PCDH15: variants seen among roughly 807,000 people sequenced by gnomAD.
PCDH15 encodes protocadherin-15.
Under a neutral mutation model 178.5 loss-of-function variants are expected in PCDH15, and 129 were observed. The observed-to-expected ratio is 0.72, with a 90% CI of 0.63 to 0.84. PCDH15 has a LOEUF of 0.84. PCDH15 is among the 40% of genes least tolerant of loss of function. The pLI, the probability that PCDH15 is intolerant of heterozygous loss-of-function variation, is 0.00. For missense variants in PCDH15, 2,230 were observed against 2,099.9 expected, an observed-to-expected ratio of 1.06 and a Z score of -1.21; for synonymous variants, 800 against 732.0, an observed-to-expected ratio of 1.09 and a Z score of -1.50.
At chr10:55,313,958 A>G (rs569616982) in intron 1 of PCDH15, among the ~76,000 whole-genome samples, 1 of 152,128 alleles carries the variant, frequency 6.6e-6, no homozygotes, top group Admixed American at 6.5e-5. Context: ...AAAGCAGAAT[A>G]ACTTGTGGGA....
chr10:55,042,546 T>C (rs529066457), intron 2 of PCDH15, among the ~76,000 whole-genome samples: 1 of 152,302 alleles, frequency 6.6e-6, no homozygotes, highest in African/African-American at 2.4e-5. Flanking sequence ...ACATTATTTA[T>C]GTATTGAGGC....
intron 1 of PCDH15, among the ~76,000 whole-genome samples, chr10:54,752,349 C>T (rs1183579219): frequency 6.6e-6 from 1 of 151,378 alleles, no homozygotes; most frequent in Non-Finnish European, 1.5e-5. Context: ...TGGTGGCGGG[C>T]GCCTGTAGTC....
At chr10:55,014,348 A>AC (rs913477997) in intron 2 of PCDH15, among the ~76,000 whole-genome samples, 6 of 152,068 alleles carry the variant, frequency 3.9e-5, no homozygotes, top group Non-Finnish European at 8.8e-5. Context: ...GCTAATTGTG[A>AC]CCCCACTCTT....
intron 1 of PCDH15, among the ~76,000 whole-genome samples, chr10:54,722,514 T>G (rs1368998514): frequency 6.6e-6 from 1 of 151,558 alleles, no homozygotes; most frequent in Non-Finnish European, 1.5e-5. Flanking sequence ...TCTTATATAG[T>G]TCTGCTATGA....
intron 2 of PCDH15, among the ~76,000 whole-genome samples, chr10:55,071,051 G>A (rs1841730302): frequency 6.6e-6 from 1 of 152,084 alleles, no homozygotes; most frequent in African/African-American, 2.4e-5. Flanking sequence ...CAAATGCTGA[G>A]AGATTCTGTC....
chr10:53,950,500 A>G (rs569624069), intron 23 of PCDH15, among the ~76,000 whole-genome samples: 1 of 152,292 alleles, frequency 6.6e-6, no homozygotes, highest in African/African-American at 2.4e-5. Flanking sequence ...AATTAATTGT[A>G]TTTGGCAAAT....
At chr10:53,853,225 A>G (rs2078504653) in intron 28 of PCDH15, among the ~76,000 whole-genome samples, 2 of 152,078 alleles carry the variant, frequency 1.3e-5, no homozygotes, top group African/African-American at 4.8e-5. Context: ...TGTAAAAAAA[A>G]AAAGGCTGGA....
intron 25 of PCDH15, among the ~76,000 whole-genome samples, chr10:53,925,217 G>A (rs911763516): frequency 1.2e-4 from 18 of 152,184 alleles, no homozygotes; most frequent in Middle Eastern, 6.8e-3. Flanking sequence ...AACACTCACC[G>A]CGAAGGTCTG....
intron 17 of PCDH15, among the ~76,000 whole-genome samples, chr10:54,075,729 T>C (rs1449784070): frequency 2.0e-5 from 3 of 152,332 alleles, no homozygotes; most frequent in Non-Finnish European, 2.9e-5. Flanking sequence ...AGAATGATCA[T>C]AGCACCCATC....
chr10:54,684,360 T>C (rs2094956020), intron 1 of PCDH15, among the ~76,000 whole-genome samples: 1 of 151,854 alleles, frequency 6.6e-6, no homozygotes, highest in Non-Finnish European at 1.5e-5. Flanking sequence ...AAATAGATAC[T>C]CTAGGATATG....
chr10:54,669,938 CA>C, intron 1 of PCDH15, among the ~76,000 whole-genome samples: 1 of 151,974 alleles, frequency 6.6e-6, no homozygotes, highest in East Asian at 1.9e-4. Context: ...CCTGTAATCT[CA>C]GTTACTCAGG....
intron 2 of PCDH15, among the ~76,000 whole-genome samples, chr10:55,622,078 A>C (rs1365751061): frequency 8.2e-6 from 1 of 121,358 alleles, no homozygotes; most frequent in Admixed American, 8.9e-5. Context: ...TATATAATAT[A>C]TATAAATTAT....
chr10:54,528,769 A>T (rs2083611438), intron 2 of PCDH15, among the ~76,000 whole-genome samples: 1 of 152,078 alleles, frequency 6.6e-6, no homozygotes, highest in Non-Finnish European at 1.5e-5. Flanking sequence ...GTGCCTGTCA[A>T]TCAGTAGTGA....
intron 5 of PCDH15, among the ~76,000 whole-genome samples, chr10:54,347,941 C>T (rs1408829612): frequency 5.3e-5 from 8 of 152,138 alleles, no homozygotes; most frequent in East Asian, 1.9e-4. Context: ...CTCTGCCTCC[C>T]GGGTTCACGC....
At chr10:53,916,037 A>C (rs1160094919) in intron 25 of PCDH15, among the ~76,000 whole-genome samples, 2 of 152,212 alleles carry the variant, frequency 1.3e-5, no homozygotes, top group Non-Finnish European at 1.5e-5. Flanking sequence ...TTTGCATATA[A>C]CATATACACA....
intron 2 of PCDH15, among the ~76,000 whole-genome samples, chr10:54,645,219 G>A (rs2094102148): frequency 6.6e-6 from 1 of 152,100 alleles, no homozygotes; most frequent in Non-Finnish European, 1.5e-5. Context: ...ACCTAGGAAT[G>A]AAGCAGTTGA....
At chr10:55,541,336 A>G (rs936127575) in intron 2 of PCDH15, among the ~76,000 whole-genome samples, 1 of 151,996 alleles carries the variant, frequency 6.6e-6, no homozygotes, top group Non-Finnish European at 1.5e-5. Flanking sequence ...ATTTAATCTA[A>G]TTATACCCAG....
chr10:55,310,512 G>A (rs1843559014), intron 1 of PCDH15, among the ~76,000 whole-genome samples: 1 of 151,894 alleles, frequency 6.6e-6, no homozygotes, highest in Admixed American at 6.6e-5. Flanking sequence ...ATCTGAACTG[G>A]TAAAATTATG....
chr10:54,304,428 G>A (rs1003189746), intron 8 of PCDH15, among the ~76,000 whole-genome samples: 1 of 152,082 alleles, frequency 6.6e-6, no homozygotes, highest in Admixed American at 6.6e-5. Context: ...TGATTGATGA[G>A]AGTATACCAA....
Sources: gnomAD v4.1 joint callset for allele counts (sites outside exome capture counted in the v4.1 genomes callset) on GRCh38, gnomAD v4.1.1 for gene constraint, MANE v1.5 for transcripts, NCBI Gene and HGNC (gene_info 2026-07-23, HGNC 2026-07-21) for gene names.